The following PPP2CA variants were observed in gnomAD, a reference collection of about 807,000 sequenced individuals.
PPP2CA encodes protein phosphatase 2 catalytic subunit alpha, also known as serine/threonine-protein phosphatase 2A catalytic subunit alpha isoform.
In PPP2CA, 5 loss-of-function variants were observed where a neutral mutation model predicts 38.8. The ratio of observed to expected loss-of-function variants is 0.13; its 90% CI spans 0.07 to 0.27. The LOEUF (loss-of-function observed/expected upper bound fraction) is 0.27, where lower values mean the gene tolerates loss of function less well. Ranked by LOEUF, PPP2CA falls within the 10% of genes least tolerant of loss-of-function variation. The probability of loss-of-function intolerance (pLI) is 1.00; values close to 1 mark genes in which losing one functional copy is unlikely to be tolerated. For missense variants in PPP2CA, 88 were observed against 389.7 expected, an observed-to-expected ratio of 0.23 and a Z score of 6.52; for synonymous variants, 152 against 134.0, an observed-to-expected ratio of 1.13 and a Z score of -0.93.
rs993323637 is a variant in PPP2CA, at chr5:134,226,012, T to G, written c.-151A>C. ...GGCCCGCTGGCTCTCACCGCAGTAC[T>G]CGGCCGTCGGCCGCTGCGCCTCCTC... On this transcript the variant is annotated 5_prime_UTR_variant, in exon 1 of 7. Coordinates refer to ENST00000481195, the MANE Select transcript of PPP2CA (RefSeq NM_002715.4). 1.7e-6 allele frequency: 1 copy of G among 593,018 alleles called. No individual in the cohort carries two copies. The highest frequency in any genetic ancestry group is 3.5e-5 in the Admixed American group (1 of 28,192). 36.7% of individuals were successfully genotyped at this position (593,018 alleles called of 1,614,324 possible).
chr5:134,221,967 CAA>C (rs35713465), intron 1 of PPP2CA, among the ~76,000 whole-genome samples: 11,784 of 77,954 alleles, frequency 0.15, 528 homozygotes, highest in Admixed American at 0.23. Context: ...GACCTTATCT[CAA>C]AAAAAAAAAA....
At chr5:134,217,709 A>G (rs1442103094) in intron 1 of PPP2CA, among the ~76,000 whole-genome samples, 1 of 152,254 alleles carries the variant, frequency 6.6e-6, no homozygotes, top group Non-Finnish European at 1.5e-5. Context: ...TAGCCCTGGA[A>G]GCAAATGAGT....
intron 1 of PPP2CA, among the ~76,000 whole-genome samples, chr5:134,221,157 G>A (rs1485575128): frequency 6.6e-6 from 1 of 152,184 alleles, no homozygotes; most frequent in Non-Finnish European, 1.5e-5. Context: ...TGTCGCCCAG[G>A]CTGGAGTGCA....
At position 134,195,793 on chromosome 5, in the gene PPP2CA, C is replaced by T. The variant is rs1761837101; in HGVS notation, c.*1979G>A. ...CTATAATTAAACAATTATTTTAAAC[C>T]CTAGTTATGCTAAAACCAAGCTATT... On this transcript the variant is annotated 3_prime_UTR_variant, in exon 7 of 7. Coordinates refer to ENST00000481195, the MANE Select transcript of PPP2CA (RefSeq NM_002715.4). The T allele has an allele frequency of 1.3e-5, 2 of 152,138 alleles. No individual in the cohort carries two copies. The highest frequency in any genetic ancestry group is 4.1e-4 in the South Asian group (2 of 4,828). The allele number at this position is 152,138 out of a possible 1,614,324, so 9.4% of individuals were successfully genotyped here.
chr5:134,210,007 G>A (rs1762171525), intron 1 of PPP2CA, among the ~76,000 whole-genome samples: 1 of 151,760 alleles, frequency 6.6e-6, no homozygotes, highest in South Asian at 2.1e-4. Flanking sequence ...GAGCCCAGAA[G>A]TTCAAGGATG....
intron 1 of PPP2CA, among the ~76,000 whole-genome samples, chr5:134,218,782 C>T (rs1762374444): frequency 6.6e-6 from 1 of 152,016 alleles, no homozygotes; most frequent in Admixed American, 6.6e-5. Context: ...AATTCTCCTG[C>T]CTCAGCCTCC....
intron 1 of PPP2CA, among the ~76,000 whole-genome samples, chr5:134,216,965 T>C (rs1453841530): frequency 2.0e-5 from 3 of 152,210 alleles, no homozygotes; most frequent in Non-Finnish European, 4.4e-5. Flanking sequence ...ATCTCCATTT[T>C]TGAAAGTAAT....
At chr5:134,223,504 A>G (rs1446855014) in intron 1 of PPP2CA, among the ~76,000 whole-genome samples, 1 of 152,234 alleles carries the variant, frequency 6.6e-6, no homozygotes, top group African/African-American at 2.4e-5. Flanking sequence ...AAACGGATCC[A>G]TTCCACAGAA....
chr5:134,208,945 T>G (rs6869420), intron 1 of PPP2CA, among the ~76,000 whole-genome samples: 105,624 of 152,030 alleles, frequency 0.69, 37,918 homozygotes, highest in Non-Finnish European at 0.81. Context: ...CCAATTACAA[T>G]GGCAGAGGGG....
Position 134,195,958 on chromosome 5 carries a change from C to T in PPP2CA, c.*1814G>A, listed in dbSNP as rs538405639. On this transcript the variant is annotated 3_prime_UTR_variant, in exon 7 of 7. Coordinates refer to ENST00000481195, the MANE Select transcript of PPP2CA (RefSeq NM_002715.4). ...ACCGGAAAAAATAGCTGCTTGGTGT[C>T]TAGATTGTTTGGGTATTAAAACCAC... 2.0e-4 allele frequency: 30 copies of T among 152,228 alleles called. No homozygotes were observed. The highest frequency in any genetic ancestry group is 3.4e-3 in the Middle Eastern group (1 of 294). 9.4% of individuals were successfully genotyped at this position (152,228 alleles called of 1,614,324 possible).
chr5:134,199,017 C>G, intron 6 of PPP2CA, 69 bp downstream of exon 6: 1 of 1,291,056 alleles, frequency 7.7e-7, no homozygotes, highest in Non-Finnish European at 1.1e-6. Context: ...CACCCTCTCT[C>G]TCAAAATAAA....
At position 134,200,508 on chromosome 5, in the gene PPP2CA, C is replaced by A. The variant is rs1238522602; in HGVS notation, c.577-12G>T. On this transcript the variant is annotated splice_polypyrimidine_tract_variant and intron_variant, in intron 4 of 6. Coordinates refer to ENST00000481195, the MANE Select transcript of PPP2CA (RefSeq NM_002715.4). ...TCACACATTGGACCCTAAAAAATAA[C>A]TTCAAGTTATAAAATGCCTTTTACA... The A allele has an allele frequency of 2.5e-6, 4 of 1,604,340 alleles. No individual in the cohort carries two copies. The African/African-American group carries it at 5.4e-5, about 22-fold the overall frequency.
chr5:134,216,386 A>C (rs1289109321), intron 1 of PPP2CA, among the ~76,000 whole-genome samples: 3 of 151,792 alleles, frequency 2.0e-5, no homozygotes, highest in Non-Finnish European at 1.5e-5. Flanking sequence ...CTAAAAATAC[A>C]AAAATTAGCT....
intron 1 of PPP2CA, among the ~76,000 whole-genome samples, chr5:134,219,038 T>G (rs1474163588): frequency 6.6e-6 from 1 of 152,236 alleles, no homozygotes; most frequent in Non-Finnish European, 1.5e-5. Context: ...GTCTTAAGCC[T>G]ATTTTATTAA....
intron 1 of PPP2CA, among the ~76,000 whole-genome samples, chr5:134,222,762 C>T (rs1762472515): frequency 6.6e-6 from 1 of 152,194 alleles, no homozygotes; most frequent in Non-Finnish European, 1.5e-5. Context: ...AGAACTGAGC[C>T]TGAGGCAAAG....
chr5:134,219,592 C>T (rs1167728045), intron 1 of PPP2CA, among the ~76,000 whole-genome samples: 1 of 152,210 alleles, frequency 6.6e-6, no homozygotes, highest in African/African-American at 2.4e-5. Context: ...GCCAACTGGT[C>T]ACATTTAGTT....
At chr5:134,198,461 G>T (rs949381891) in intron 6 of PPP2CA, among the ~76,000 whole-genome samples, 1 of 151,822 alleles carries the variant, frequency 6.6e-6, no homozygotes, top group Admixed American at 6.6e-5. Flanking sequence ...TAATTCATAC[G>T]AAGATCTATA....
At chr5:134,218,776 C>T (rs1404676543) in intron 1 of PPP2CA, among the ~76,000 whole-genome samples, 1 of 151,228 alleles carries the variant, frequency 6.6e-6, no homozygotes. Flanking sequence ...TCAAGCAATT[C>T]TCCTGCCTCA....
chr5:134,210,095 G>T (rs1166869678), intron 1 of PPP2CA, among the ~76,000 whole-genome samples: 1 of 138,118 alleles, frequency 7.2e-6, no homozygotes, highest in Non-Finnish European at 1.6e-5. Flanking sequence ...CTCCAGCCTG[G>T]TAGACAGCCA....
Sources: gnomAD v4.1 joint callset for allele counts (sites outside exome capture counted in the v4.1 genomes callset) on GRCh38, gnomAD v4.1.1 for gene constraint, MANE v1.5 for transcripts, NCBI Gene and HGNC (gene_info 2026-07-23, HGNC 2026-07-21) for gene names.